Variants in BMPR1B observed in about 807,000 individuals in gnomAD.
BMPR1B encodes the protein bone morphogenetic protein receptor type-1B.
BMPR1B carries 12 observed loss-of-function variants against 59.1 expected under a neutral mutation model. The observed-to-expected ratio is 0.20, with a 90% confidence interval of 0.13 to 0.33. BMPR1B has a LOEUF of 0.33. Among genes scored for constraint, BMPR1B ranks in the 10% least tolerant of loss-of-function variants. The probability of loss-of-function intolerance (pLI) is 1.00; values close to 1 mark genes in which losing one functional copy is unlikely to be tolerated. For missense variants in BMPR1B, 550 were observed against 610.9 expected (o/e 0.90, Z 1.05); for synonymous variants, 237 against 207.3 (o/e 1.14, Z -1.23).
At chr4:94,782,420 C>T (rs994729694) in intron 1 of BMPR1B, among the ~76,000 whole-genome samples, 3 of 151,858 alleles carry the variant, frequency 2.0e-5, no homozygotes, top group Admixed American at 6.6e-5. Flanking sequence ...ATCATCCCAC[C>T]TCAGCCTCCC....
chr4:94,819,813 T>C (rs1038624098), intron 1 of BMPR1B, among the ~76,000 whole-genome samples: 1 of 152,220 alleles, frequency 6.6e-6, no homozygotes, highest in African/African-American at 2.4e-5. Flanking sequence ...GTAGTGTACA[T>C]TTGAACACAG....
intron 1 of BMPR1B, among the ~76,000 whole-genome samples, chr4:94,811,352 TG>T (rs752299335): frequency 1.3e-4 from 20 of 152,284 alleles, no homozygotes; most frequent in Non-Finnish European, 2.2e-4. Context: ...ATTTGCACTT[TG>T]GAGGCTCTCA....
intron 1 of BMPR1B, among the ~76,000 whole-genome samples, chr4:94,830,876 A>G (rs1186427628): frequency 1.3e-5 from 2 of 152,222 alleles, no homozygotes; most frequent in African/African-American, 2.4e-5. Flanking sequence ...CAATCATACA[A>G]AAGTATAGCA....
chr4:95,022,612 T>C (rs1724073080), intron 3 of BMPR1B, among the ~76,000 whole-genome samples: 1 of 152,106 alleles, frequency 6.6e-6, no homozygotes, highest in African/African-American at 2.4e-5. Context: ...CTGTGCCTAT[T>C]TCTGAGCTTT....
intron 2 of BMPR1B, among the ~76,000 whole-genome samples, chr4:94,939,988 C>T (rs1183791321): frequency 6.6e-6 from 1 of 152,188 alleles, no homozygotes; most frequent in Non-Finnish European, 1.5e-5. Flanking sequence ...ACAAAGTAAT[C>T]TGATACTACT....
At chr4:94,981,719 C>G (rs1295019742) in intron 2 of BMPR1B, among the ~76,000 whole-genome samples, 2 of 152,138 alleles carry the variant, frequency 1.3e-5, no homozygotes, top group Non-Finnish European at 2.9e-5. Flanking sequence ...GGAAAGTTAT[C>G]CTATGTGTTT....
intron 3 of BMPR1B, among the ~76,000 whole-genome samples, chr4:95,063,644 A>T (rs1182251677): frequency 6.6e-6 from 1 of 152,204 alleles, no homozygotes; most frequent in Non-Finnish European, 1.5e-5. Context: ...ATGCAAAACC[A>T]CATAACATAA....
intron 3 of BMPR1B, among the ~76,000 whole-genome samples, chr4:95,033,647 C>T (rs1425937942): frequency 6.6e-6 from 1 of 152,076 alleles, no homozygotes; most frequent in Non-Finnish European, 1.5e-5. Flanking sequence ...TAAGTTAAGG[C>T]AGAATCTTGG....
chr4:94,844,426 A>G (rs1158229283), intron 1 of BMPR1B, among the ~76,000 whole-genome samples: 1 of 152,188 alleles, frequency 6.6e-6, no homozygotes, highest in East Asian at 1.9e-4. Context: ...GATTAGAGCC[A>G]GTTGCCTGTT....
At chr4:95,114,977 A>C in intron 5 of BMPR1B, 155 bp downstream of exon 5, 1 of 735,560 alleles carries the variant, frequency 1.4e-6, no homozygotes, top group East Asian at 2.6e-5. Context: ...GGTATGTATG[A>C]TGACAGTGGA....
intron 1 of BMPR1B, among the ~76,000 whole-genome samples, chr4:94,868,319 C>T (rs764132729): frequency 1.3e-5 from 2 of 152,018 alleles, no homozygotes; most frequent in Non-Finnish European, 2.9e-5. Context: ...CAGGTGTGCA[C>T]CACTACCACC....
chr4:95,008,878 A>G (rs778648630), intron 3 of BMPR1B, among the ~76,000 whole-genome samples: 1 of 152,164 alleles, frequency 6.6e-6, no homozygotes, highest in Non-Finnish European at 1.5e-5. Flanking sequence ...ATTAATAATT[A>G]AAGAACAAAA....
At chr4:95,008,994 G>A (rs1359148713) in intron 3 of BMPR1B, among the ~76,000 whole-genome samples, 1 of 152,080 alleles carries the variant, frequency 6.6e-6, no homozygotes, top group Non-Finnish European at 1.5e-5. Context: ...GTTGATGATT[G>A]CAGTGAACTG....
At chr4:95,025,615 ATG>A (rs1212268428) in intron 3 of BMPR1B, among the ~76,000 whole-genome samples, 1 of 152,112 alleles carries the variant, frequency 6.6e-6, no homozygotes, top group Non-Finnish European at 1.5e-5. Flanking sequence ...TGATCTGGTT[ATG>A]TTCTCAGAAG....
At chr4:94,858,112 A>AC (rs1553913096) in intron 1 of BMPR1B, among the ~76,000 whole-genome samples, 6 of 147,426 alleles carry the variant, frequency 4.1e-5, no homozygotes, top group Non-Finnish European at 7.5e-5. Context: ...CGCCTGGCTA[A>AC]TTTTTTTTTT....
chr4:94,955,075 A>G (rs956376205), intron 2 of BMPR1B, among the ~76,000 whole-genome samples: 6 of 152,192 alleles, frequency 3.9e-5, no homozygotes, highest in African/African-American at 1.2e-4. Context: ...GCTTTATAGT[A>G]TGCATATTTC....
At chr4:94,990,703 G>GTTT (rs568556189) in intron 2 of BMPR1B, among the ~76,000 whole-genome samples, 181 of 151,892 alleles carry the variant, frequency 1.2e-3, no homozygotes, top group South Asian at 2.5e-3. Flanking sequence ...TGTTGTTGTT[G>GTTT]TTTTTTATAC....
chr4:94,823,347 A>G (rs972075050), intron 1 of BMPR1B, among the ~76,000 whole-genome samples: 8 of 152,166 alleles, frequency 5.3e-5, no homozygotes, highest in Non-Finnish European at 1.0e-4. Flanking sequence ...GTAGAAAGTT[A>G]GCTTGGTTCA....
chr4:94,791,670 C>T (rs141819640), intron 1 of BMPR1B, among the ~76,000 whole-genome samples: 50 of 151,988 alleles, frequency 3.3e-4, no homozygotes, highest in Middle Eastern at 6.8e-3. Context: ...TCTTAGTGGC[C>T]GCTGGTTTAA....
Sources: gnomAD v4.1 joint callset for allele counts (sites outside exome capture counted in the v4.1 genomes callset) on GRCh38, gnomAD v4.1.1 for gene constraint, MANE v1.5 for transcripts, NCBI Gene and HGNC (gene_info 2026-07-23, HGNC 2026-07-21) for gene names.